PCP2: variants seen among roughly 807,000 people sequenced by gnomAD.
The protein encoded by PCP2 is Purkinje cell protein 2.
A neutral mutation model predicts 18.3 loss-of-function variants in PCP2; 21 were observed. The observed-to-expected ratio is 1.14, with a 90% CI of 0.81 to 1.65. PCP2 has a LOEUF of 1.65. Ranked by LOEUF, PCP2 falls within the 40% of genes most tolerant of loss-of-function variation. The pLI is 0.00. For missense variants in PCP2, 202 were observed against 201.8 expected, an observed-to-expected ratio of 1.00 and a Z score of 0.00; for synonymous variants, 85 against 77.6, an observed-to-expected ratio of 1.10 and a Z score of -0.50.
In PCP2 at chr19:7,632,127, CT is replaced by C. The variant is rs2031339512; in HGVS notation, c.291+265del. On this transcript the variant is annotated intron_variant, in intron 3 of 3. Coordinates refer to ENST00000311069, the MANE Select transcript of PCP2 (RefSeq NM_174895.3). The surrounding 1 kb of genome is among the most constrained non-coding windows in gnomAD (Gnocchi z 5.2). ...TGGGATACTTTCCTAGGAAGGGGTC[CT>C]ATTTTCTCCCTTTGGCCTCCCCAGA... 1 of 586,814 alleles carries C rather than the reference CT, an allele frequency of 1.7e-6. No individual in the cohort carries two copies. Among genetic ancestry groups the C allele is most frequent in the Admixed American group, 3.2e-5 (1 of 31,028 alleles). The allele number at this position is 586,814 out of a possible 1,614,324, so 36.4% of individuals were successfully genotyped here. A position where few individuals can be genotyped will look rare whatever the true frequency, so the allele number is the denominator to read the frequency against.
upstream of PCP2, among the ~76,000 whole-genome samples, chr19:7,634,689 A>G (rs1011053859): frequency 3.9e-5 from 6 of 152,244 alleles, no homozygotes; most frequent in African/African-American, 9.6e-5. Context: ...TTTTTTTAAC[A>G]AATTTATTGA....
chr19:7,633,546 G>T lies in PCP2; in HGVS notation c.-89C>A. On this transcript the variant is annotated 5_prime_UTR_variant, in exon 1 of 4. Transcript: ENST00000311069. The stretch of plus-strand genomic sequence containing the variant: ...TTAAACGTCCAGGACGTGGGGGTGT[G>T]GATTCCCCCCATCCCCAAATCCCCA... The T allele has an allele frequency of 7.7e-7, 1 of 1,290,888 alleles. No individual in the cohort carries two copies. The highest frequency in any genetic ancestry group is 1.1e-6 in the Non-Finnish European group (1 of 916,380). The allele number at this position is 1,290,888 out of a possible 1,614,324, so 80.0% of individuals were successfully genotyped here.
chr19:7,633,262 C>T (rs2031406841), intron 1 of PCP2, 145 bp downstream of exon 1: 1 of 885,658 alleles, frequency 1.1e-6, no homozygotes, highest in African/African-American at 1.7e-5. Context: ...GACCCCCAAG[C>T]CCACCAGCCC....
chr19:7,634,142 TCTC>T (rs1211670774), upstream of PCP2, among the ~76,000 whole-genome samples: 2 of 152,064 alleles, frequency 1.3e-5, no homozygotes, highest in Admixed American at 6.5e-5. Flanking sequence ...AGCTATCTCC[TCTC>T]CTCTATCACC....
chr19:7,631,768 G>A lies in PCP2; in HGVS notation c.332C>T (p.Pro111Leu), dbSNP rs745652466. 7.0e-7 allele frequency: 1 copy of A among 1,422,056 alleles called. No individual in the cohort carries two copies. Among genetic ancestry groups the A allele is most frequent in the African/African-American group, 1.5e-5 (1 of 68,328 alleles). The allele number at this position is 1,422,056 out of a possible 1,614,324, so 88.1% of individuals were successfully genotyped here. ...QKRAGTLSPQ[P>L]LLTPQDPTAL... ...GGTCGGGTCCTGAGGGGTGAGCAGG[G>A]GTTGGGGACTGAGGGTCCCAGCTCG... Residue 111 changes from proline (P) to leucine (L), a missense_variant, in exon 4 of 4, where the codon CCC becomes CTC. Coordinates refer to ENST00000311069, the MANE Select transcript of PCP2 (RefSeq NM_174895.3).
At chr19:7,636,979 C>T, upstream of PCP2, 1 of 695,660 alleles carries the variant, frequency 1.4e-6, no homozygotes, top group Non-Finnish European at 2.0e-6. Flanking sequence ...CCCGTCCTCC[C>T]CGCCAGGGAC....
chr19:7,633,136 A>G (rs1273789823), intron 1 of PCP2: 2 of 415,688 alleles, frequency 4.8e-6, no homozygotes, highest in African/African-American at 4.3e-5. Flanking sequence ...GTGGCCTGGG[A>G]GCTGGGACAC....
intron 3 of PCP2, 25 bp from the exon 4 acceptor site, chr19:7,631,833 G>T: frequency 7.2e-7 from 1 of 1,384,558 alleles, no homozygotes; most frequent in Non-Finnish European, 9.4e-7. Flanking sequence ...GGGTCAGCCA[G>T]GGGGAGGGCT....
Position 7,632,041 on chromosome 19 carries a change from T to G in PCP2, c.292-233A>C. ...ACCCAAGCTTCGTGTATGTGTGAAG[T>G]CAACAGATGTGAGTATACAGATGTA... On this transcript the variant is annotated intron_variant, in intron 3 of 3. Transcript: ENST00000311069. This position sits in a 1 kb window ranked among gnomAD's most constrained non-coding sequence, Gnocchi z 5.2. 1 of 484,862 alleles carries G rather than the reference T, an allele frequency of 2.1e-6. No homozygotes were observed. Among genetic ancestry groups the G allele is most frequent in the Non-Finnish European group, 3.6e-6 (1 of 280,028 alleles). The allele number at this position is 484,862 out of a possible 1,614,324, so 30.0% of individuals were successfully genotyped here.
rs750662323 is a variant in PCP2 at position 7,631,662 on chromosome 19, G to T, written c.*27C>A. On this transcript the variant is annotated 3_prime_UTR_variant, in exon 4 of 4. Transcript: ENST00000311069. ...ATTCTTTTATCAGTTTTTGGGGGCC[G>T]AGTGAGACCCAGGATGCCTCAGGCC... 4 of 1,467,082 alleles carry T rather than the reference G, an allele frequency of 2.7e-6. No homozygotes were observed. In the East Asian group the frequency reaches 7.7e-5, roughly 28 times the overall value. 90.9% of individuals were successfully genotyped at this position (1,467,082 alleles called of 1,614,324 possible).
At chr19:7,635,706 A>G (rs2031501858), upstream of PCP2, among the ~76,000 whole-genome samples, 1 of 152,158 alleles carries the variant, frequency 6.6e-6, no homozygotes, top group Admixed American at 6.5e-5. Context: ...TTACAAAACA[A>G]AAACAAACAA....
rs1340161611 is a variant in PCP2 at position 7,633,428 on chromosome 19, T to C, written c.30A>G (p.Glu10=). 8.2e-6 allele frequency: 13 copies of C among 1,576,058 alleles called. No homozygotes were observed. The highest frequency in any genetic ancestry group is 1.8e-5 in the Admixed American group (1 of 54,418). The change falls in exon 1 of 4, where the codon GAA becomes GAG. Residue 10 remains glutamate, a synonymous_variant. Coordinates refer to ENST00000311069, the MANE Select transcript of PCP2 (RefSeq NM_174895.3). Reference sequence around the variant, plus strand: ...TCACCTCGGCACAGGGGCCTGAGCCTTCCTCCGTCTTCTCCTCCTGATCCA... The same window carrying C: ...TCACCTCGGCACAGGGGCCTGAGCCCTCCTCCGTCTTCTCCTCCTGATCCA... MMDQEEKTE[E]GSGPCAEAGS...
chr19:7,632,817 T>C lies in PCP2; in HGVS notation c.65A>G (p.Asp22Gly). Residue 22 changes from aspartate (D) to glycine (G), a missense_variant, in exon 2 of 4, where the codon GAC (aspartate) becomes GGC (glycine). By Grantham distance (94) the Asp-to-Gly change is moderately conservative. Transcript: ENST00000311069. The surrounding 1 kb of genome is among the most constrained non-coding windows in gnomAD (Gnocchi z 5.2). ...CAGCAGATTGAAGAAGCCCTCCTGG[T>C]CTGGGGAGCCCGCCTGGGGACAGAC... ...SGPCAEAGSP[D>G]QEGFFNLLSH... 2 of 1,554,284 alleles carry C rather than the reference T, an allele frequency of 1.3e-6. No individual in the cohort carries two copies. Among genetic ancestry groups the C allele is most frequent in the Non-Finnish European group, 1.7e-6 (2 of 1,151,820 alleles).
chr19:7,634,902 T>G (rs2031468113), upstream of PCP2, among the ~76,000 whole-genome samples: 1 of 152,154 alleles, frequency 6.6e-6, no homozygotes, highest in Admixed American at 6.5e-5. Flanking sequence ...GTCCCAGTCT[T>G]CATATACCCA....
rs752525451 is a variant in PCP2, at chr19:7,632,488, G to T, written c.196C>A (p.Leu66Ile). ...TGGGTACTGGCCAGCATGTCCATGA[G>T]GCTGTCCATCTCGGGGGTGGGGTCG... The part of the protein sequence containing the change: ...QSDPTPEMDS[L>I]MDMLASTQGR... Residue 66 changes from leucine (L) to isoleucine (I), a missense_variant, in exon 3 of 4, where the codon CTC becomes ATC. Physicochemically the swap from Leu to Ile is conservative, Grantham distance 5 (BLOSUM62 2). Transcript: ENST00000311069. The surrounding 1 kb of genome is among the most constrained non-coding windows in gnomAD (Gnocchi z 5.2). 2 of 1,613,626 alleles carry T rather than the reference G, an allele frequency of 1.2e-6. No homozygotes were observed. Among genetic ancestry groups the T allele is most frequent in the Middle Eastern group, 1.6e-4 (1 of 6,084 alleles).
upstream of PCP2, among the ~76,000 whole-genome samples, chr19:7,635,043 C>T (rs77152187): frequency 6.6e-6 from 1 of 152,230 alleles, no homozygotes; most frequent in Non-Finnish European, 1.5e-5. Context: ...AATATCTATA[C>T]TAACCCCATT....
rs61741491 is a variant in PCP2 at position 7,632,457 on chromosome 19, C to A, written c.227G>T (p.Arg76Leu). The change falls in exon 3 of 4, where the codon CGC becomes CTC. Residue 76 changes from arginine to leucine, a missense_variant. Arg to Leu is a moderately radical substitution (Grantham distance 102). Transcript: ENST00000311069. This position sits in a 1 kb window ranked among gnomAD's most constrained non-coding sequence, Gnocchi z 5.2. ...LMDMLASTQG[R>L]RMDDQRVTVS... The stretch of plus-strand genomic sequence containing the variant: ...TGTCACACGTTGGTCATCCATGCGG[C>A]GGCCCTGGGTACTGGCCAGCATGTC... 6.2e-7 allele frequency: 1 copy of A among 1,613,800 alleles called. No homozygotes were observed. Among genetic ancestry groups the A allele is most frequent in the Non-Finnish European group, 8.5e-7 (1 of 1,179,954 alleles).
In PCP2 at chr19:7,632,587, C is replaced by T. The variant is rs1320952541; in HGVS notation, c.167-70G>A. On this transcript the variant is annotated intron_variant, in intron 2 of 3. Transcript: ENST00000311069. The surrounding 1 kb of genome is among the most constrained non-coding windows in gnomAD (Gnocchi z 5.2). ...GGCCCCCAACCCTACCCCTTCACCCCCACACAGATGCTTCAGGGTGCACAA... is the reference window on the plus strand; with the variant it reads ...GGCCCCCAACCCTACCCCTTCACCCTCACACAGATGCTTCAGGGTGCACAA... 1.3e-6 allele frequency: 2 copies of T among 1,598,508 alleles called. No homozygotes were observed. Among genetic ancestry groups the T allele is most frequent in the Non-Finnish European group, 1.7e-6 (2 of 1,173,554 alleles).
chr19:7,636,968 G>T, upstream of PCP2: 1 of 569,328 alleles, frequency 1.8e-6, no homozygotes. Flanking sequence ...GGACGCACCT[G>T]CCCGTCCTCC....
Sources: allele counts gnomAD v4.1 joint callset (sites outside exome capture counted in the v4.1 genomes callset), GRCh38; gene constraint gnomAD v4.1.1; non-coding constraint Gnocchi (gnomAD v3.1); transcripts MANE v1.5; gene names NCBI Gene and HGNC (gene_info 2026-07-23, HGNC 2026-07-21).